The following KSR2 variants were observed in gnomAD, a reference collection of about 807,000 sequenced individuals.
KSR2 encodes the protein kinase suppressor of ras 2.
Under a neutral mutation model 107.8 loss-of-function variants are expected in KSR2, and 25 were observed. The observed-to-expected ratio is 0.23, with a 90% confidence interval of 0.17 to 0.32. The LOEUF (loss-of-function observed/expected upper bound fraction) is 0.32, where lower values mean the gene tolerates loss of function less well. Among genes scored for constraint, KSR2 ranks in the 10% least tolerant of loss-of-function variants. The pLI, the probability that KSR2 is intolerant of heterozygous loss-of-function variation, is 1.00. For missense variants in KSR2, 887 were observed against 1,268.9 expected (o/e 0.70, Z 4.57); for synonymous variants, 480 against 507.0 (o/e 0.95, Z 0.71).
intron 5 of KSR2, among the ~76,000 whole-genome samples, chr12:117,647,628 G>A (rs1883710494): frequency 6.6e-6 from 1 of 152,174 alleles, no homozygotes; most frequent in South Asian, 2.1e-4. Flanking sequence ...TCATAGCTGG[G>A]AGAACAGGCT....
intron 4 of KSR2, among the ~76,000 whole-genome samples, chr12:117,755,901 G>A (rs1244103059): frequency 6.6e-5 from 10 of 152,180 alleles, no homozygotes; most frequent in African/African-American, 1.9e-4. Context: ...TTGCTGATAC[G>A]GAGAAAGTTT....
intron 3 of KSR2, among the ~76,000 whole-genome samples, chr12:117,792,834 C>T (rs150705921): frequency 2.2e-3 from 332 of 152,238 alleles, no homozygotes; most frequent in African/African-American, 7.8e-3. Flanking sequence ...GTGAAGACAC[C>T]AAGGCAAATA....
intron 3 of KSR2, among the ~76,000 whole-genome samples, chr12:117,824,016 A>C (rs1891651146): frequency 6.6e-6 from 1 of 152,034 alleles, no homozygotes; most frequent in Non-Finnish European, 1.5e-5. Context: ...CCATCAATGG[A>C]TGAATAGGTA....
intron 5 of KSR2, among the ~76,000 whole-genome samples, chr12:117,642,607 T>A (rs1243858896): frequency 6.6e-6 from 1 of 152,224 alleles, no homozygotes; most frequent in East Asian, 1.9e-4. Context: ...AGACTCCACC[T>A]TCCCCAAAGG....
At chr12:117,778,250 C>T (rs1889764083) in intron 3 of KSR2, among the ~76,000 whole-genome samples, 1 of 152,002 alleles carries the variant, frequency 6.6e-6, no homozygotes, top group African/African-American at 2.4e-5. Flanking sequence ...ACCACCATGC[C>T]CAGCTAATTT....
chr12:117,957,659 C>A, intron 1 of KSR2, among the ~76,000 whole-genome samples: 1 of 152,090 alleles, frequency 6.6e-6, no homozygotes. Context: ...TGATGGATTA[C>A]AAATTGCCTG....
chr12:117,587,322 G>A (rs761429656), intron 5 of KSR2, among the ~76,000 whole-genome samples: 5 of 152,156 alleles, frequency 3.3e-5, no homozygotes, highest in Non-Finnish European at 5.9e-5. Flanking sequence ...ATAAGATGGA[G>A]GGAGGAGGGT....
chr12:117,500,934 T>G (rs1438091079), intron 14 of KSR2, among the ~76,000 whole-genome samples: 2 of 152,234 alleles, frequency 1.3e-5, no homozygotes, highest in African/African-American at 2.4e-5. Flanking sequence ...CTATTCAGAC[T>G]GCTGTAGGTC....
chr12:117,678,231 T>C (rs1256106268), intron 4 of KSR2, among the ~76,000 whole-genome samples: 4 of 151,754 alleles, frequency 2.6e-5, no homozygotes, highest in Non-Finnish European at 5.9e-5. Context: ...AATTAAGGCA[T>C]GAGCCACCGC....
In KSR2 at chr12:117,472,995, A is replaced by G. The variant is rs148104190; in HGVS notation, c.2583-1675T>C. On this transcript the variant is annotated intron_variant, in intron 17 of 19. Coordinates refer to ENST00000339824, the MANE Select transcript of KSR2 (RefSeq NM_173598.6). ...ATCAGATAATCCAGAACTCACACTC[A>G]TACTGCCAACTACCTCCTTAATTGG... 2.2e-3 allele frequency among the ~76,000 whole-genome samples: 333 copies of G among 152,280 alleles called. 2 individuals carry two copies. The highest frequency in any genetic ancestry group is 0.011 in the Admixed American group (173 of 15,290).
At chr12:117,667,366 T>C (rs913628986) in intron 5 of KSR2, 108 bp downstream of exon 5, 5 of 1,076,116 alleles carry the variant, frequency 4.6e-6, no homozygotes, top group African/African-American at 3.1e-5. Flanking sequence ...TCACAAGCCC[T>C]TGAGATAAAG....
intron 9 of KSR2, among the ~76,000 whole-genome samples, chr12:117,548,649 C>T (rs1877063334): frequency 6.6e-6 from 1 of 152,026 alleles, no homozygotes; most frequent in African/African-American, 2.4e-5. Flanking sequence ...TTTCTCACCC[C>T]CACATTTTTC....
intron 3 of KSR2, among the ~76,000 whole-genome samples, chr12:117,787,543 G>A (rs1890121125): frequency 6.6e-6 from 1 of 152,068 alleles, no homozygotes; most frequent in Admixed American, 6.6e-5. Context: ...TGAGGCAGGA[G>A]AATTGCTTGA....
At chr12:117,563,568 T>C (rs1025292833) in intron 7 of KSR2, among the ~76,000 whole-genome samples, 8 of 152,108 alleles carry the variant, frequency 5.3e-5, no homozygotes, top group Non-Finnish European at 8.8e-5. Context: ...GAACAAATAT[T>C]TGGCACACAG....
chr12:117,685,171 G>A (rs1238961141), intron 4 of KSR2, among the ~76,000 whole-genome samples: 1 of 152,184 alleles, frequency 6.6e-6, no homozygotes, highest in African/African-American at 2.4e-5. Flanking sequence ...TCCAGACAGC[G>A]ACCCGGACTT....
At chr12:117,888,756 T>C (rs1285595198) in intron 1 of KSR2, among the ~76,000 whole-genome samples, 1 of 152,234 alleles carries the variant, frequency 6.6e-6, no homozygotes, top group Non-Finnish European at 1.5e-5. Context: ...CATTTTTTTC[T>C]ATATATGGGA....
At chr12:117,765,764 C>G (rs748174049) in intron 3 of KSR2, among the ~76,000 whole-genome samples, 2 of 152,044 alleles carry the variant, frequency 1.3e-5, no homozygotes, top group Admixed American at 6.6e-5. Flanking sequence ...CTATTTTAAT[C>G]GCAAAAGGAT....
chr12:117,835,523 G>A (rs1449443928), intron 3 of KSR2, among the ~76,000 whole-genome samples: 3 of 152,134 alleles, frequency 2.0e-5, no homozygotes, highest in South Asian at 2.1e-4. Flanking sequence ...AGAAGTTGTC[G>A]TCAGTGTCGT....
At chr12:117,512,581 G>A (rs1093288) in intron 14 of KSR2, among the ~76,000 whole-genome samples, 13,020 of 152,188 alleles carry the variant, frequency 0.086, 637 homozygotes, top group East Asian at 0.19. Flanking sequence ...AGCTTCTGAT[G>A]CACGTTTCAG....
Sources: allele counts gnomAD v4.1 joint callset (sites outside exome capture counted in the v4.1 genomes callset), GRCh38; gene constraint gnomAD v4.1.1; transcripts MANE v1.5; gene names NCBI Gene and HGNC (gene_info 2026-07-23, HGNC 2026-07-21).